MAF: variants seen among roughly 807,000 people sequenced by gnomAD.
MAF encodes MAF bZIP transcription factor, also known as transcription factor Maf.
In MAF, 10 loss-of-function variants were observed where a neutral mutation model predicts 22.0. That is an observed-to-expected ratio of 0.45 (90% CI 0.28 to 0.77). The LOEUF (loss-of-function observed/expected upper bound fraction) is 0.77, where lower values mean the gene tolerates loss of function less well. MAF is among the 30% of genes least tolerant of loss of function. MAF has a pLI of 0.12. For synonymous variants in MAF, 337 were observed against 255.8 expected, an observed-to-expected ratio of 1.32 and a Z score of -3.03; for missense variants, 544 against 548.4, an observed-to-expected ratio of 0.99 and a Z score of 0.08.
chr16:79,247,664 C>G, the MAF span, among the ~76,000 whole-genome samples: 4 of 152,146 alleles, frequency 2.6e-5, no homozygotes, highest in Admixed American at 1.3e-4. Context: ...ACTGTCAACC[C>G]ATCCTCATTA....
chr16:79,205,786 G>A, the MAF span: 1 of 152,352 alleles, frequency 6.6e-6, no homozygotes, highest in African/African-American at 2.4e-5. Context: ...GAATGACTGT[G>A]TTAGGAATCA....
the MAF span, among the ~76,000 whole-genome samples, chr16:79,219,952 G>C: frequency 6.6e-6 from 1 of 152,082 alleles, no homozygotes; most frequent in African/African-American, 2.4e-5. Context: ...GGAAATAACT[G>C]GTAACTAATG....
At chr16:79,489,942 C>A in the MAF span, among the ~76,000 whole-genome samples, 16 of 152,048 alleles carry the variant, frequency 1.1e-4, no homozygotes, top group Admixed American at 2.0e-4. Flanking sequence ...AAGAGGAGGG[C>A]AGGCACCCTA....
chr16:79,363,349 T>C, the MAF span, among the ~76,000 whole-genome samples: 2 of 152,230 alleles, frequency 1.3e-5, 1 homozygote, highest in East Asian at 3.9e-4. Context: ...ATACATTTAA[T>C]ACACCTAACT....
the MAF span, among the ~76,000 whole-genome samples, chr16:79,345,470 T>A: frequency 1.3e-4 from 20 of 152,244 alleles, no homozygotes; most frequent in African/African-American, 4.8e-4. Context: ...TGGTGCCTCA[T>A]GCCTGTGAGA....
chr16:79,538,052 T>A, the MAF span, among the ~76,000 whole-genome samples: 1 of 152,344 alleles, frequency 6.6e-6, no homozygotes, highest in Admixed American at 6.5e-5. Flanking sequence ...GAGTGTGAAA[T>A]CTATTCTACA....
At chr16:79,208,102 C>T in the MAF span, among the ~76,000 whole-genome samples, 1 of 152,278 alleles carries the variant, frequency 6.6e-6, no homozygotes, top group South Asian at 2.1e-4. Context: ...ATCCTTATTA[C>T]CAAGATACTC....
the MAF span, among the ~76,000 whole-genome samples, chr16:79,390,532 T>G: frequency 2.0e-5 from 3 of 152,222 alleles, no homozygotes; most frequent in South Asian, 6.2e-4. Context: ...GTGAGTTATC[T>G]TTTTACAACT....
At chr16:79,270,547 A>G in the MAF span, among the ~76,000 whole-genome samples, 1 of 152,326 alleles carries the variant, frequency 6.6e-6, no homozygotes, top group South Asian at 2.1e-4. Flanking sequence ...CAGGATACCA[A>G]GGGAAAGATT....
the MAF span, among the ~76,000 whole-genome samples, chr16:79,377,765 C>T: frequency 1.3e-5 from 2 of 152,138 alleles, no homozygotes; most frequent in African/African-American, 4.8e-5. Context: ...GTTTTCCCAG[C>T]ACCATTGATT....
chr16:79,475,324 A>G, the MAF span, among the ~76,000 whole-genome samples: 1 of 148,986 alleles, frequency 6.7e-6, no homozygotes, highest in Non-Finnish European at 1.5e-5. Flanking sequence ...ATATGTGCAT[A>G]TATATATGGA....
At chr16:79,474,628 A>G in the MAF span, among the ~76,000 whole-genome samples, 1 of 152,170 alleles carries the variant, frequency 6.6e-6, no homozygotes, top group South Asian at 2.1e-4. Flanking sequence ...CAGCGTTGGA[A>G]TCTGTCTGTC....
the MAF span, among the ~76,000 whole-genome samples, chr16:79,236,511 G>C: frequency 6.6e-6 from 1 of 152,054 alleles, no homozygotes; most frequent in Non-Finnish European, 1.5e-5. Flanking sequence ...TGTGTGTTTA[G>C]TCTTGTTTCT....
the MAF span, chr16:79,229,227 A>G: frequency 6.6e-6 from 1 of 151,582 alleles, no homozygotes; most frequent in East Asian, 1.9e-4. Flanking sequence ...TAAAACCCTC[A>G]TCTCCAGGCC....
the MAF span, among the ~76,000 whole-genome samples, chr16:79,467,603 G>C: frequency 3.9e-5 from 6 of 152,110 alleles, no homozygotes; most frequent in African/African-American, 1.4e-4. Flanking sequence ...CTCAGAATGG[G>C]GTCCCTGAGA....
In MAF at chr16:79,598,772, G is replaced by C. The variant is rs768386193; in HGVS notation, c.1118+13C>G. ...TATCAGGGTGGCTAGCTGGAATCGC[G>C]TGTCAGACTCACATGAAAAACTCGG... is the stretch of plus-strand genomic sequence containing the variant. On this transcript the variant is annotated intron_variant, in intron 1 of 1. Transcript: ENST00000326043. 1.9e-6 allele frequency: 3 copies of C among 1,613,762 alleles called. No homozygotes were observed. The highest frequency in any genetic ancestry group is 2.5e-6 in the Non-Finnish European group (3 of 1,179,990).
the MAF span, chr16:79,212,297 A>G: frequency 4.0e-6 from 4 of 996,404 alleles, no homozygotes; most frequent in Non-Finnish European, 5.7e-6. Flanking sequence ...CAGCTTAGCA[A>G]CTGCTGGGGA....
At chr16:79,452,071 G>T in the MAF span, among the ~76,000 whole-genome samples, 1 of 152,138 alleles carries the variant, frequency 6.6e-6, no homozygotes, top group African/African-American at 2.4e-5. Flanking sequence ...ACATTCATTT[G>T]TTTACATATG....
the MAF span, among the ~76,000 whole-genome samples, chr16:79,412,852 G>A: frequency 6.6e-6 from 1 of 152,224 alleles, no homozygotes; most frequent in African/African-American, 2.4e-5. Flanking sequence ...AATATGGGAG[G>A]AGGTGATCCA....
Sources: gnomAD v4.1 joint callset for allele counts (sites outside exome capture counted in the v4.1 genomes callset) on GRCh38, gnomAD v4.1.1 for gene constraint, MANE v1.5 for transcripts, NCBI Gene and HGNC (gene_info 2026-07-23, HGNC 2026-07-21) for gene names.